The following TBC1D8B variants were observed in gnomAD, a reference collection of about 807,000 sequenced individuals.
The protein encoded by TBC1D8B is TBC1 domain family member 8B.
Under a neutral mutation model 82.9 loss-of-function variants are expected in TBC1D8B, and 75 were observed. The ratio of observed to expected loss-of-function variants is 0.90; its 90% CI spans 0.75 to 1.10. TBC1D8B has a LOEUF of 1.10. Ranked by LOEUF, TBC1D8B falls within the 50% of genes least tolerant of loss-of-function variation. The probability of loss-of-function intolerance (pLI) is 0.00; values close to 1 mark genes in which losing one functional copy is unlikely to be tolerated. For missense variants in TBC1D8B, 794 were observed against 796.9 expected (o/e 1.00, Z 0.04); for synonymous variants, 276 against 276.8 (o/e 1.00, Z 0.03).
intron 7 of TBC1D8B, among the ~76,000 whole-genome samples, chrX:106,836,409 T>C (rs1185032013): frequency 9.0e-6 from 1 of 111,678 alleles, no homozygotes; most frequent in East Asian, 2.8e-4. Context: ...AATCTTAATG[T>C]CCAGCCCTGC....
chrX:106,842,483 T>C (rs1034783986), intron 10 of TBC1D8B, among the ~76,000 whole-genome samples: 5 of 111,071 alleles, frequency 4.5e-5, no homozygotes, highest in Admixed American at 9.6e-5. Flanking sequence ...TAAATTTGTA[T>C]GGCACAAGAT....
chrX:106,855,237 G>A (rs1932673028), intron 14 of TBC1D8B, among the ~76,000 whole-genome samples: 3 of 112,215 alleles, frequency 2.7e-5, no homozygotes, highest in African/African-American at 9.7e-5. Context: ...AATTCAGTGA[G>A]GTTACTGTGA....
At chrX:106,809,778 G>A (rs767623543) in intron 1 of TBC1D8B, among the ~76,000 whole-genome samples, 1 of 108,702 alleles carries the variant, frequency 9.2e-6, no homozygotes, top group South Asian at 4.2e-4. Flanking sequence ...CAGCTACTTG[G>A]GAGGCTGAGG....
chrX:106,804,415 A>C (rs1392529223), intron 1 of TBC1D8B, among the ~76,000 whole-genome samples: 1 of 111,885 alleles, frequency 8.9e-6, no homozygotes, highest in Admixed American at 9.5e-5. Context: ...ATGGCAACAA[A>C]AATTGCCCTG....
intron 18 of TBC1D8B, 105 bp downstream of exon 18, chrX:106,868,581 C>T: frequency 2.3e-6 from 1 of 437,282 alleles, no homozygotes; most frequent in Non-Finnish European, 3.5e-6. Flanking sequence ...TTCATTTTAA[C>T]TTATACTTCT....
At chrX:106,847,107 T>A (rs1932473006) in intron 10 of TBC1D8B, among the ~76,000 whole-genome samples, 1 of 111,796 alleles carries the variant, frequency 8.9e-6, no homozygotes, top group African/African-American at 3.2e-5. Context: ...TAGGTATGTG[T>A]CCTGAGAAAA....
At chrX:106,818,489 A>T in intron 1 of TBC1D8B, 174 bp from the exon 2 acceptor site, 1 of 338,270 alleles carries the variant, frequency 3.0e-6, no homozygotes, top group Non-Finnish European at 5.1e-6. Context: ...TCACATTGGC[A>T]TACTGTAATC....
chrX:106,848,670 G>T (rs964466703), intron 11 of TBC1D8B, among the ~76,000 whole-genome samples: 5 of 111,451 alleles, frequency 4.5e-5, no homozygotes, highest in Non-Finnish European at 9.4e-5. Flanking sequence ...ATGGGAGGGA[G>T]ATTTCAATCT....
At chrX:106,809,576 G>T (rs987719650) in intron 1 of TBC1D8B, among the ~76,000 whole-genome samples, 4 of 111,035 alleles carry the variant, frequency 3.6e-5, no homozygotes, top group African/African-American at 1.3e-4. Flanking sequence ...TGAGTATACA[G>T]TGGTGAATAA....
At position 106,827,214 on chromosome X, in the gene TBC1D8B, C is replaced by A. The variant is rs1257833566; in HGVS notation, c.1080C>A (p.Ile360=). 1 of 1,210,990 alleles carries A rather than the reference C, an allele frequency of 8.3e-7. No homozygotes were observed. The highest frequency in any genetic ancestry group is 2.2e-5 in the Admixed American group (1 of 45,945). The change falls in exon 7 of 21, where the codon ATC becomes ATA. Residue 360 remains isoleucine, a synonymous_variant. Coordinates refer to ENST00000357242, the MANE Select transcript of TBC1D8B (RefSeq NM_017752.3). ...CAAATGATTCCAGCAAATCTGTCAT[C>A]ATTAGCATCAAAGGAAAAACAGCTT... ...DKTNDSSKSV[I]ISIKGKTAFR... is the part of the protein sequence containing the mutation.
intron 11 of TBC1D8B, chrX:106,849,327 G>C (rs772664626): frequency 5.9e-5 from 65 of 1,106,964 alleles, no homozygotes; most frequent in Non-Finnish European, 7.6e-5. Flanking sequence ...ATCTGGGGTA[G>C]CACCTGGCAT....
chrX:106,822,139 C>G lies in TBC1D8B; in HGVS notation c.523C>G (p.Gln175Glu). Residue 175 changes from glutamine (Q) to glutamate (E), a missense_variant, in exon 4 of 21, where the codon CAG (glutamine) becomes GAG (glutamate). Coordinates refer to ENST00000357242, the MANE Select transcript of TBC1D8B (RefSeq NM_017752.3). The stretch of plus-strand genomic sequence containing the variant: ...TTATTGGAAAGGACGGGTTCCTTGT[C>G]AGGGTTGGCTTTATCTTAGCACCAA... ...CSYWKGRVPC[Q>E]GWLYLSTNFL... is the part of the protein sequence containing the mutation. The G allele has an allele frequency of 8.3e-7, 1 of 1,210,054 alleles. No homozygotes were observed. Among genetic ancestry groups the G allele is most frequent in the South Asian group, 1.8e-5 (1 of 56,705 alleles).
intron 14 of TBC1D8B, among the ~76,000 whole-genome samples, chrX:106,862,966 T>G (rs1021272590): frequency 4.6e-5 from 5 of 108,949 alleles, no homozygotes; most frequent in African/African-American, 1.3e-4. Flanking sequence ...CTCTGGGCCC[T>G]CGGGGCTAGG....
rs988369141 is a variant in TBC1D8B, at chrX:106,868,320, C to T, written c.2729-73C>T. 5 of 673,394 alleles carry T rather than the reference C, an allele frequency of 7.4e-6. No homozygotes were observed. The Admixed American group carries it at 2.3e-4, about 31-fold the overall frequency. The allele number at this position is 673,394 out of a possible 1,213,427, so 55.5% of individuals were successfully genotyped here. A position where few individuals can be genotyped will look rare whatever the true frequency, so the allele number is the denominator to read the frequency against. Reference sequence around the variant, plus strand: ...TTTAACACCCAGTTCCCAGATATACCTGACCCATTATGAACCTCATCTCTG... The same window carrying T: ...TTTAACACCCAGTTCCCAGATATACTTGACCCATTATGAACCTCATCTCTG... On this transcript the variant is annotated intron_variant, in intron 17 of 20. Transcript: ENST00000357242.
chrX:106,829,402 C>T (rs1460661769), intron 7 of TBC1D8B: 2 of 104,802 alleles, frequency 1.9e-5, no homozygotes, highest in African/African-American at 7.4e-5. Context: ...CCATCCCCAT[C>T]AAGCTACCAA....
intron 1 of TBC1D8B, among the ~76,000 whole-genome samples, chrX:106,808,056 TAATAATAATAAC>T (rs1364020885): frequency 9.1e-6 from 1 of 109,492 alleles, no homozygotes; most frequent in Non-Finnish European, 1.9e-5. Context: ...CCATCTCAAA[TAATAATAATAAC>T]AATAATAATA....
At chrX:106,832,336 C>T (rs1020813754) in intron 7 of TBC1D8B, among the ~76,000 whole-genome samples, 1 of 111,322 alleles carries the variant, frequency 9.0e-6, no homozygotes, top group South Asian at 3.7e-4. Context: ...ATAAGTTATA[C>T]TAAAATCTGG....
chrX:106,861,438 GTCT>G (rs1402809904), intron 14 of TBC1D8B, among the ~76,000 whole-genome samples: 7 of 111,819 alleles, frequency 6.3e-5, no homozygotes, highest in African/African-American at 1.9e-4. Flanking sequence ...TAAGATAGAT[GTCT>G]TCTTGTTGAC....
intron 20 of TBC1D8B, among the ~76,000 whole-genome samples, chrX:106,872,764 G>A (rs1249671884): frequency 9.1e-6 from 1 of 110,085 alleles, no homozygotes; most frequent in Non-Finnish European, 1.9e-5. Flanking sequence ...GAGGCTAGGA[G>A]TTTGAGATCA....
Sources: allele counts gnomAD v4.1 joint callset (sites outside exome capture counted in the v4.1 genomes callset), GRCh38; gene constraint gnomAD v4.1.1; transcripts MANE v1.5; gene names NCBI Gene and HGNC (gene_info 2026-07-23, HGNC 2026-07-21).